The following NKAIN2 variants were observed in gnomAD, a reference collection of about 807,000 sequenced individuals.
NKAIN2 encodes the protein sodium/potassium-transporting ATPase subunit beta-1-interacting protein 2.
NKAIN2 carries 14 observed loss-of-function variants against 32.6 expected under a neutral mutation model. That is an observed-to-expected ratio of 0.43 (90% CI 0.28 to 0.67). The LOEUF (loss-of-function observed/expected upper bound fraction) is 0.67. Among genes scored for constraint, NKAIN2 ranks in the 30% least tolerant of loss-of-function variants. The pLI is 0.17. For synonymous variants in NKAIN2, 80 were observed against 87.2 expected (o/e 0.92, Z 0.46); for missense variants, 198 against 258.3 (o/e 0.77, Z 1.60).
At chr6:124,540,027 G>A (rs1257818726) in intron 3 of NKAIN2, among the ~76,000 whole-genome samples, 1 of 152,130 alleles carries the variant, frequency 6.6e-6, no homozygotes, top group East Asian at 1.9e-4. Flanking sequence ...AGCCAAAGAT[G>A]TATTTAAACA....
intron 4 of NKAIN2, among the ~76,000 whole-genome samples, chr6:124,704,166 C>T (rs1583677794): frequency 1.3e-5 from 2 of 151,762 alleles, no homozygotes; most frequent in East Asian, 3.9e-4. Context: ...AGAAAAAATG[C>T]ACTGAGGTAA....
At chr6:124,805,381 G>T (rs1780496528) in intron 5 of NKAIN2, among the ~76,000 whole-genome samples, 2 of 152,150 alleles carry the variant, frequency 1.3e-5, no homozygotes, top group Admixed American at 1.3e-4. Flanking sequence ...CAGGCAAACA[G>T]GGTCTGGAGT....
chr6:124,660,307 G>T (rs997519629), intron 4 of NKAIN2, among the ~76,000 whole-genome samples: 11 of 152,206 alleles, frequency 7.2e-5, no homozygotes, highest in African/African-American at 2.4e-4. Context: ...AGAGTTTTTT[G>T]AATTAGTTTA....
At chr6:124,643,072 A>G (rs914435488) in intron 3 of NKAIN2, among the ~76,000 whole-genome samples, 1 of 152,142 alleles carries the variant, frequency 6.6e-6, no homozygotes, top group Non-Finnish European at 1.5e-5. Flanking sequence ...GTTGCACCAC[A>G]TATCTCCTGC....
intron 1 of NKAIN2, among the ~76,000 whole-genome samples, chr6:124,212,487 C>G (rs1451515375): frequency 7.9e-5 from 12 of 151,930 alleles, no homozygotes. Flanking sequence ...AGGAATTGGT[C>G]CAATGGCAGC....
chr6:124,315,059 A>G (rs1001362894), intron 2 of NKAIN2, among the ~76,000 whole-genome samples: 6 of 152,184 alleles, frequency 3.9e-5, no homozygotes, highest in African/African-American at 1.4e-4. Flanking sequence ...ATTTTTGGCC[A>G]GAAGTAGTAA....
intron 1 of NKAIN2, among the ~76,000 whole-genome samples, chr6:123,941,445 C>T (rs235678): frequency 0.084 from 12,773 of 151,446 alleles, 1,710 homozygotes; most frequent in African/African-American, 0.28. Flanking sequence ...ATTTGTATAC[C>T]GCAGTGTTAC....
At chr6:124,365,193 T>A (rs904500915) in intron 3 of NKAIN2, among the ~76,000 whole-genome samples, 2 of 151,702 alleles carry the variant, frequency 1.3e-5, no homozygotes, top group African/African-American at 4.8e-5. Context: ...AATATATCAA[T>A]AAATATATTA....
chr6:124,523,639 G>T (rs1279410470), intron 3 of NKAIN2, among the ~76,000 whole-genome samples: 2 of 152,142 alleles, frequency 1.3e-5, no homozygotes, highest in Non-Finnish European at 2.9e-5. Flanking sequence ...TTTGACGTAT[G>T]AAAGGGAGAC....
chr6:124,706,973 A>G (rs1355348837), intron 4 of NKAIN2, among the ~76,000 whole-genome samples: 1 of 150,426 alleles, frequency 6.6e-6, no homozygotes, highest in Non-Finnish European at 1.5e-5. Flanking sequence ...TATATCTCCC[A>G]ATGCTATCCG....
chr6:124,190,778 C>T (rs1789977223), intron 1 of NKAIN2, among the ~76,000 whole-genome samples: 1 of 152,142 alleles, frequency 6.6e-6, no homozygotes, highest in Non-Finnish European at 1.5e-5. Flanking sequence ...TCATTTCTGT[C>T]ACCCCCTACC....
At chr6:124,655,406 CT>C (rs35165502) in intron 3 of NKAIN2, among the ~76,000 whole-genome samples, 6 of 151,862 alleles carry the variant, frequency 4.0e-5, no homozygotes, top group South Asian at 4.2e-4. Context: ...TGACAAGACT[CT>C]TTTTTTTGGC....
intron 6 of NKAIN2, among the ~76,000 whole-genome samples, chr6:124,822,133 G>T (rs6569399): frequency 1.3e-5 from 2 of 151,630 alleles, no homozygotes; most frequent in Non-Finnish European, 2.9e-5. Flanking sequence ...TTTACATTAC[G>T]CACTGTTAAA....
intron 3 of NKAIN2, among the ~76,000 whole-genome samples, chr6:124,416,294 C>T (rs1037158565): frequency 3.9e-5 from 6 of 152,054 alleles, no homozygotes; most frequent in African/African-American, 1.4e-4. Context: ...ATCTCCTCAC[C>T]TAAGTTATAT....
intron 1 of NKAIN2, among the ~76,000 whole-genome samples, chr6:124,080,919 A>C (rs980037207): frequency 1.3e-5 from 2 of 152,182 alleles, no homozygotes; most frequent in African/African-American, 4.8e-5. Flanking sequence ...TTGTAGACTA[A>C]ATTATTGATG....
At chr6:124,477,516 G>C (rs1777267813) in intron 3 of NKAIN2, among the ~76,000 whole-genome samples, 1 of 152,056 alleles carries the variant, frequency 6.6e-6, no homozygotes, top group African/African-American at 2.4e-5. Context: ...CTGTCTGCCT[G>C]GATCTACCTG....
intron 1 of NKAIN2, among the ~76,000 whole-genome samples, chr6:124,083,467 CT>C (rs1238466598): frequency 8.6e-5 from 13 of 151,604 alleles, no homozygotes; most frequent in African/African-American, 3.1e-4. Context: ...ATAATAATGG[CT>C]GTTTTAGTTT....
intron 1 of NKAIN2, among the ~76,000 whole-genome samples, chr6:123,962,304 C>T (rs906083193): frequency 6.6e-6 from 1 of 152,114 alleles, no homozygotes; most frequent in Non-Finnish European, 1.5e-5. Flanking sequence ...AATCTAGAAT[C>T]AGTGTCTGAA....
intron 1 of NKAIN2, among the ~76,000 whole-genome samples, chr6:123,896,961 C>G (rs991495135): frequency 2.6e-5 from 4 of 152,080 alleles, no homozygotes; most frequent in African/African-American, 9.7e-5. Context: ...GTGAATGACC[C>G]CAATTACTCA....
Sources: gnomAD v4.1 joint callset for allele counts (sites outside exome capture counted in the v4.1 genomes callset) on GRCh38, gnomAD v4.1.1 for gene constraint, MANE v1.5 for transcripts, NCBI Gene and HGNC (gene_info 2026-07-23, HGNC 2026-07-21) for gene names.